GMEB1: variants seen among roughly 807,000 people sequenced by gnomAD.
The protein encoded by GMEB1 is glucocorticoid modulatory element-binding protein 1.
A neutral mutation model predicts 52.4 loss-of-function variants in GMEB1; 6 were observed. The ratio of observed to expected loss-of-function variants is 0.11; its 90% CI spans 0.06 to 0.23. GMEB1 has a LOEUF of 0.23. Among genes scored for constraint, GMEB1 ranks in the 10% least tolerant of loss-of-function variants. GMEB1 has a pLI of 1.00. For missense variants in GMEB1, 486 were observed against 685.6 expected (o/e 0.71, Z 3.25); for synonymous variants, 255 against 244.9 (o/e 1.04, Z -0.38).
chr1:28,697,043 G>A lies in GMEB1; in HGVS notation c.557G>A (p.Gly186Glu), dbSNP rs1670238157. 2 of 1,612,542 alleles carry A rather than the reference G, an allele frequency of 1.2e-6. No homozygotes were observed. Among genetic ancestry groups the A allele is most frequent in the East Asian group, 4.5e-5 (2 of 44,818 alleles). ...AGCAGTGCAAGAGCTCCAGTGCCAGGACAGCAGACAAGTGTGGTGCAGACA... is the reference window on the plus strand; with the variant it reads ...AGCAGTGCAAGAGCTCCAGTGCCAGAACAGCAGACAAGTGTGGTGCAGACA... ...LISSARAPVP[G>E]QQTSVVQTPT... Residue 186 changes from glycine (G) to glutamate (E), a missense_variant, in exon 6 of 10, where the codon GGA (glycine) becomes GAA (glutamate). Coordinates refer to ENST00000373816, the MANE Select transcript of GMEB1 (RefSeq NM_001319674.2).
At chr1:28,675,093 C>A (rs1669089673) in intron 1 of GMEB1, among the ~76,000 whole-genome samples, 1 of 146,352 alleles carries the variant, frequency 6.8e-6, no homozygotes, top group Admixed American at 7.1e-5. Flanking sequence ...TCTTGGCTCA[C>A]TGCAAGCTCT....
intron 1 of GMEB1, among the ~76,000 whole-genome samples, chr1:28,678,077 G>A (rs1486684918): frequency 1.3e-5 from 2 of 151,660 alleles, no homozygotes; most frequent in Non-Finnish European, 2.9e-5. Context: ...CCAGCTACTC[G>A]GGAGGCTGAG....
In GMEB1 at chr1:28,695,304, C is replaced by T. The variant is rs552630503; in HGVS notation, c.441-1623C>T. Among the ~76,000 whole-genome samples, 9 of 151,916 alleles carry T rather than the reference C, an allele frequency of 5.9e-5. No homozygotes were observed. The South Asian group carries it at 1.9e-3, about 32-fold the overall frequency. ...CTAGAGTGTAATGGCGTGATCTCGG[C>T]TCACTGCAAACTGTACCTCCTAGAT... On this transcript the variant is annotated intron_variant, in intron 5 of 9. Coordinates refer to ENST00000373816, the MANE Select transcript of GMEB1 (RefSeq NM_001319674.2).
intron 1 of GMEB1, among the ~76,000 whole-genome samples, chr1:28,669,430 TTGGCGGGAGAGCAA>T (rs1419038177): frequency 6.6e-6 from 1 of 152,004 alleles, no homozygotes; most frequent in Non-Finnish European, 1.5e-5. Flanking sequence ...TCTCGGAGCC[TTGGCGGGAGAGCAA>T]GAGTACAGAG....
At chr1:28,712,874 C>T (rs1030761974) in intron 9 of GMEB1, among the ~76,000 whole-genome samples, 13 of 151,000 alleles carry the variant, frequency 8.6e-5, no homozygotes, top group African/African-American at 3.2e-4. Flanking sequence ...CACGCTGGGC[C>T]GGGCATGGTG....
intron 8 of GMEB1, among the ~76,000 whole-genome samples, chr1:28,705,428 C>T (rs1015966092): frequency 2.0e-5 from 3 of 148,634 alleles, no homozygotes; most frequent in Non-Finnish European, 4.5e-5. Context: ...TCCTCTCTCG[C>T]GCGATATATG....
chr1:28,713,050 C>T (rs541200278), intron 9 of GMEB1, among the ~76,000 whole-genome samples: 85 of 148,918 alleles, frequency 5.7e-4, no homozygotes, highest in South Asian at 3.0e-3. Flanking sequence ...CCCAGCTACT[C>T]AGGAGGCTGA....
intron 3 of GMEB1, 44 bp from the exon 4 acceptor site, chr1:28,691,541 G>A (rs753693030): frequency 7.1e-7 from 1 of 1,413,656 alleles, no homozygotes; most frequent in African/African-American, 1.4e-5. Context: ...TCAGCTTTGG[G>A]GAAGAGTTGT....
intron 2 of GMEB1, among the ~76,000 whole-genome samples, chr1:28,687,373 C>CAAAAAAAAAAAAAAAAAAA (rs1319753146): frequency 4.2e-5 from 1 of 23,916 alleles, no homozygotes; most frequent in African/African-American, 2.2e-4. Flanking sequence ...CACACACACA[C>CAAAAAAAAAAAAAAAAAAA]ACACACACAC....
chr1:28,677,549 A>G (rs1431170113), intron 1 of GMEB1, among the ~76,000 whole-genome samples: 2 of 152,236 alleles, frequency 1.3e-5, no homozygotes, highest in East Asian at 3.8e-4. Context: ...TAATGATTCC[A>G]TAAGTTTGCT....
chr1:28,682,619 C>CAAAA (rs59900537), intron 1 of GMEB1, among the ~76,000 whole-genome samples: 8 of 53,644 alleles, frequency 1.5e-4, no homozygotes, highest in African/African-American at 4.9e-4. Flanking sequence ...GACCCTGTCT[C>CAAAA]AAAAAAAAAA....
At chr1:28,706,211 T>C (rs1326338971) in intron 8 of GMEB1, among the ~76,000 whole-genome samples, 1 of 152,110 alleles carries the variant, frequency 6.6e-6, no homozygotes, top group Non-Finnish European at 1.5e-5. Flanking sequence ...ATCCTATTAA[T>C]TTAAGGCTTT....
chr1:28,689,408 C>T (rs1435615552), intron 2 of GMEB1, among the ~76,000 whole-genome samples: 5 of 151,894 alleles, frequency 3.3e-5, no homozygotes, highest in East Asian at 2.0e-4. Flanking sequence ...AGGCGGATCA[C>T]GAGGTCAGGA....
intron 8 of GMEB1, among the ~76,000 whole-genome samples, chr1:28,707,113 G>A (rs1670818888): frequency 6.7e-6 from 1 of 149,544 alleles, no homozygotes; most frequent in African/African-American, 2.5e-5. Context: ...CTCCCGAGTA[G>A]CTGGGACTAC....
intron 1 of GMEB1, among the ~76,000 whole-genome samples, chr1:28,670,929 T>C (rs532557893): frequency 6.6e-6 from 1 of 152,316 alleles, no homozygotes; most frequent in South Asian, 2.1e-4. Flanking sequence ...ATTGGGTTTA[T>C]TGTGGGGGCA....
Position 28,718,557 on chromosome 1 carries a change from T to G in GMEB1, c.*3784T>G, listed in dbSNP as rs775044199. On this transcript the variant is annotated 3_prime_UTR_variant, in exon 10 of 10. Coordinates refer to ENST00000373816, the MANE Select transcript of GMEB1 (RefSeq NM_001319674.2). Reference sequence around the variant, plus strand: ...TCAAGGCTGTAGTGAGCTATGACTTTGCCACTGTACTCTAGCCCAGGTAAC... The same window carrying G: ...TCAAGGCTGTAGTGAGCTATGACTTGGCCACTGTACTCTAGCCCAGGTAAC... 1 of 152,230 alleles carries G rather than the reference T, an allele frequency of 6.6e-6. No individual in the cohort carries two copies. Among genetic ancestry groups the G allele is most frequent in the Non-Finnish European group, 1.5e-5 (1 of 68,042 alleles). 9.4% of individuals were successfully genotyped at this position (152,230 alleles called of 1,614,324 possible).
intron 1 of GMEB1, among the ~76,000 whole-genome samples, chr1:28,677,354 C>T (rs1031462193): frequency 6.6e-6 from 1 of 151,918 alleles, no homozygotes; most frequent in African/African-American, 2.4e-5. Flanking sequence ...CCCATCACCA[C>T]GTCTGGCTAA....
chr1:28,689,038 C>T (rs1669829132), intron 2 of GMEB1, among the ~76,000 whole-genome samples: 1 of 151,780 alleles, frequency 6.6e-6, no homozygotes, highest in Admixed American at 6.6e-5. Context: ...ATTACAGGCG[C>T]GCCACCATGC....
rs1211374225 is a variant in GMEB1 at position 28,714,531 on chromosome 1, C to G, written c.1450C>G (p.Pro484Ala). Residue 484 changes from proline to alanine, a missense_variant, in exon 10 of 10, where the codon CCT (proline) becomes GCT (alanine). By Grantham distance (27) the Pro-to-Ala change is conservative (BLOSUM62 -1). This residue lies in a region of GMEB1 where 153 missense variants were observed against 200.8 expected (regional missense o/e 0.76). Coordinates refer to ENST00000373816, the MANE Select transcript of GMEB1 (RefSeq NM_001319674.2). ...GGGCAACATGACCACCATGGTTAGC[C>G]CTGTGGAATTGGTGGCCATGGAGTC... The part of the protein sequence containing the change: ...TLGNMTTMVS[P>A]VELVAMESGL... 1.2e-6 allele frequency: 2 copies of G among 1,614,018 alleles called. No homozygotes were observed. Among genetic ancestry groups the G allele is most frequent in the Non-Finnish European group, 1.7e-6 (2 of 1,180,030 alleles).
Sources: allele counts gnomAD v4.1 joint callset (sites outside exome capture counted in the v4.1 genomes callset), GRCh38; gene constraint gnomAD v4.1.1; regional missense constraint gnomAD v4.1.1; transcripts MANE v1.5; gene names NCBI Gene and HGNC (gene_info 2026-07-23, HGNC 2026-07-21).